Variants in FIG4 observed in about 807,000 individuals in gnomAD.
FIG4 encodes the protein polyphosphoinositide phosphatase.
A neutral mutation model predicts 118.6 loss-of-function variants in FIG4; 112 were observed. The ratio of observed to expected loss-of-function variants is 0.94; its 90% confidence interval spans 0.81 to 1.11. FIG4 has a LOEUF of 1.11. Among genes scored for constraint, FIG4 ranks in the 50% least tolerant of loss-of-function variants. FIG4 has a pLI of 0.00. For synonymous variants in FIG4, 369 were observed against 381.2 expected, an observed-to-expected ratio of 0.97 and a Z score of 0.37; for missense variants, 969 against 1,111.7, an observed-to-expected ratio of 0.87 and a Z score of 1.83.
chr6:109,774,133 A>G (rs778020557), intron 15 of FIG4, among the ~76,000 whole-genome samples: 1 of 152,186 alleles, frequency 6.6e-6, no homozygotes, highest in African/African-American at 2.4e-5. Context: ...CTACTAAAGT[A>G]TATATGTTAA....
chr6:109,792,775 T>C, intron 21 of FIG4, 111 bp downstream of exon 21: 1 of 661,804 alleles, frequency 1.5e-6, no homozygotes, highest in Non-Finnish European at 2.6e-6. Context: ...AGTCTTGCTC[T>C]GTTGCCCAGG....
chr6:109,796,031 G>A (rs777743848), intron 21 of FIG4, among the ~76,000 whole-genome samples: 31 of 152,216 alleles, frequency 2.0e-4, no homozygotes, highest in Non-Finnish European at 4.6e-4. Flanking sequence ...ATGCACTCCA[G>A]AAAGCTGCTG....
chr6:109,778,824 C>T (rs1255173114), intron 16 of FIG4, among the ~76,000 whole-genome samples: 1 of 152,174 alleles, frequency 6.6e-6, no homozygotes, highest in African/African-American at 2.4e-5. Flanking sequence ...TGGTCTTGAT[C>T]TCCTGCCCTT....
intron 1 of FIG4, among the ~76,000 whole-genome samples, chr6:109,700,946 A>G (rs934411916): frequency 6.6e-6 from 1 of 152,198 alleles, no homozygotes; most frequent in Admixed American, 6.5e-5. Context: ...AGCATTTCAG[A>G]TAAGGGACAC....
At chr6:109,756,064 G>T (rs1776885636) in intron 10 of FIG4, among the ~76,000 whole-genome samples, 1 of 152,216 alleles carries the variant, frequency 6.6e-6, no homozygotes, top group South Asian at 2.1e-4. Context: ...TGATTTTGCA[G>T]CGGCTGGTGC....
chr6:109,714,773 A>G lies in FIG4; in HGVS notation c.67-305A>G, dbSNP rs527410484. On this transcript the variant is annotated intron_variant, in intron 1 of 22. Transcript: ENST00000230124. ...AGCTTCTTCCTGGTAAAGCTTAAACATCAGCCTCCAATCAGTTAGATTAAT... is the reference window on the plus strand; with the variant it reads ...AGCTTCTTCCTGGTAAAGCTTAAACGTCAGCCTCCAATCAGTTAGATTAAT... Among the ~76,000 whole-genome samples, 13 of 152,364 alleles carry G rather than the reference A, an allele frequency of 8.5e-5. 1 individual carries two copies. Among genetic ancestry groups the G allele is most frequent in the Middle Eastern group, 6.8e-3 (2 of 294 alleles).
chr6:109,752,782 T>G (rs1038830481), intron 10 of FIG4, among the ~76,000 whole-genome samples: 3 of 152,236 alleles, frequency 2.0e-5, no homozygotes, highest in Non-Finnish European at 4.4e-5. Context: ...TCTCCCATTT[T>G]GTAGGTTGCC....
At chr6:109,823,539 T>C (rs1779072120) in intron 22 of FIG4, among the ~76,000 whole-genome samples, 1 of 152,172 alleles carries the variant, frequency 6.6e-6, no homozygotes, top group African/African-American at 2.4e-5. Flanking sequence ...TTGTAGCACA[T>C]CCTATGAAGA....
intron 15 of FIG4, among the ~76,000 whole-genome samples, chr6:109,772,513 A>G (rs554447248): frequency 4.6e-5 from 7 of 152,098 alleles, no homozygotes; most frequent in South Asian, 4.2e-4. Context: ...CTGGAGTGCA[A>G]TGGCGCAATC....
At chr6:109,763,342 T>G (rs1481659497) in intron 12 of FIG4, among the ~76,000 whole-genome samples, 1 of 152,214 alleles carries the variant, frequency 6.6e-6, no homozygotes, top group Non-Finnish European at 1.5e-5. Flanking sequence ...GCCTGTTAGG[T>G]TAACTCTTTT....
intron 11 of FIG4, among the ~76,000 whole-genome samples, chr6:109,761,326 G>A (rs1254474157): frequency 5.9e-5 from 9 of 152,064 alleles, no homozygotes; most frequent in African/African-American, 2.2e-4. Context: ...GAGTAGCTGG[G>A]ACTGCAGTCA....
chr6:109,701,929 G>A (rs766503066), intron 1 of FIG4, among the ~76,000 whole-genome samples: 4 of 152,186 alleles, frequency 2.6e-5, no homozygotes, highest in Admixed American at 6.5e-5. Flanking sequence ...AGGATTTGAA[G>A]CTTCCCCAGA....
intron 4 of FIG4, among the ~76,000 whole-genome samples, chr6:109,731,461 TAA>T (rs1315754868): frequency 6.6e-6 from 1 of 152,132 alleles, no homozygotes; most frequent in African/African-American, 2.4e-5. Context: ...AGACAATGGA[TAA>T]ATAAAGTGTG....
intron 16 of FIG4, among the ~76,000 whole-genome samples, chr6:109,783,560 T>C (rs145542191): frequency 1.9e-3 from 289 of 152,364 alleles, no homozygotes; most frequent in Non-Finnish European, 3.0e-3. Context: ...CTGTCATTGC[T>C]TTCAGCTTGG....
chr6:109,738,676 G>A (rs1409640379), intron 7 of FIG4, among the ~76,000 whole-genome samples: 2 of 152,194 alleles, frequency 1.3e-5, no homozygotes, highest in African/African-American at 4.8e-5. Flanking sequence ...GGAAGAAAAT[G>A]CAATGTGATA....
chr6:109,723,212 C>A (rs971846432), intron 3 of FIG4, among the ~76,000 whole-genome samples: 11 of 151,966 alleles, frequency 7.2e-5, no homozygotes, highest in African/African-American at 2.7e-4. Context: ...GTCTGCTGAG[C>A]TCCTTGCATT....
chr6:109,743,883 G>T (rs9374117), intron 10 of FIG4, 111 bp downstream of exon 10: 2 of 813,276 alleles, frequency 2.5e-6, no homozygotes, highest in Admixed American at 3.7e-5. Flanking sequence ...GTGGAGAGAC[G>T]TGCAGATTAT....
chr6:109,772,552 G>T (rs1173873562), intron 15 of FIG4, among the ~76,000 whole-genome samples: 1 of 152,094 alleles, frequency 6.6e-6, no homozygotes, highest in African/African-American at 2.4e-5. Flanking sequence ...TGCTTCCTGG[G>T]TTCAAGAGAC....
chr6:109,740,644 TA>T, intron 7 of FIG4, among the ~76,000 whole-genome samples: 2 of 152,260 alleles, frequency 1.3e-5, no homozygotes, highest in Non-Finnish European at 2.9e-5. Flanking sequence ...TTTAGAGTCT[TA>T]TACTCAGTTT....
Sources: allele counts gnomAD v4.1 joint callset (sites outside exome capture counted in the v4.1 genomes callset), GRCh38; gene constraint gnomAD v4.1.1; transcripts MANE v1.5; gene names NCBI Gene and HGNC (gene_info 2026-07-23, HGNC 2026-07-21).